The following DAZAP1 variants were observed in gnomAD, a reference collection of about 807,000 sequenced individuals.
The protein encoded by DAZAP1 is DAZ-associated protein 1.
In DAZAP1, 6 loss-of-function variants were observed where a neutral mutation model predicts 60.1. The ratio of observed to expected loss-of-function variants is 0.10; its 90% CI spans 0.05 to 0.20. DAZAP1 has a LOEUF of 0.20. Among genes scored for constraint, DAZAP1 ranks in the 10% least tolerant of loss-of-function variants. The pLI is 1.00. For synonymous variants in DAZAP1, 235 were observed against 215.9 expected, an observed-to-expected ratio of 1.09 and a Z score of -0.78; for missense variants, 366 against 560.4, an observed-to-expected ratio of 0.65 and a Z score of 3.50.
intron 1 of DAZAP1, among the ~76,000 whole-genome samples, chr19:1,411,920 C>T (rs151228337): frequency 1.2e-4 from 18 of 152,370 alleles, no homozygotes; most frequent in Non-Finnish European, 1.9e-4. Flanking sequence ...GCCTGGTCCC[C>T]GTGACACCAT....
chr19:1,408,932 C>T (rs1052425833), intron 1 of DAZAP1, among the ~76,000 whole-genome samples: 1 of 152,126 alleles, frequency 6.6e-6, no homozygotes, highest in Non-Finnish European at 1.5e-5. Flanking sequence ...TAGCTTTGAG[C>T]AGCGCCCTGT....
Position 1,418,234 on chromosome 19 carries a change from G to T in DAZAP1, c.101G>T (p.Gly34Val). The change falls in exon 3 of 12, where the codon GGA becomes GTA. Residue 34 changes from glycine (G) to valine (V), a missense_variant. By Grantham distance (109) the Gly-to-Val change is moderately radical. This residue lies in a region of DAZAP1 where 98 missense variants were observed against 155.3 expected (regional missense o/e 0.63). Coordinates refer to ENST00000233078, the MANE Select transcript of DAZAP1 (RefSeq NM_018959.4). This position sits in a 1 kb window ranked among gnomAD's most constrained non-coding sequence, Gnocchi z 5.7. ...CTGCGCAGCTACTTTTCCCAATATG[G>T]AGAAGTCGTAGATTGTGTTATCATG... is the stretch of plus-strand genomic sequence containing the variant. ...ETLRSYFSQY[G>V]EVVDCVIMKD... The T allele has an allele frequency of 6.2e-7, 1 of 1,614,170 alleles. No individual in the cohort carries two copies. Among genetic ancestry groups the T allele is most frequent in the South Asian group, 1.1e-5 (1 of 91,076 alleles).
At position 1,431,863 on chromosome 19, in the gene DAZAP1, C is replaced by T. The variant is rs566393702; in HGVS notation, c.872-651C>T. 1.8e-4 allele frequency among the ~76,000 whole-genome samples: 27 copies of T among 152,224 alleles called. 1 individual carries two copies. In the South Asian group the frequency reaches 5.6e-3, roughly 32 times the overall value. ...TGATTTCACCTGCGGGCCCTGGGCCCTGGGGGTGTTTGACAATTGGGGCAT... is the reference window on the plus strand; with the variant it reads ...TGATTTCACCTGCGGGCCCTGGGCCTTGGGGGTGTTTGACAATTGGGGCAT... On this transcript the variant is annotated intron_variant, in intron 10 of 11. Coordinates refer to ENST00000233078, the MANE Select transcript of DAZAP1 (RefSeq NM_018959.4).
In DAZAP1 at chr19:1,409,509, TGGA is replaced by T. The variant is rs1164039230; in HGVS notation, c.29+1712_29+1714del. Among the ~76,000 whole-genome samples the T allele has an allele frequency of 6.6e-5, 10 of 152,316 alleles. No individual in the cohort carries two copies. In the South Asian group the frequency reaches 2.1e-3, roughly 32 times the overall value. The stretch of plus-strand genomic sequence containing the variant: ...GGCCACCCGGACGCCACGGGCTGCG[TGGA>T]GGAGAACTGGAGTGCATGGACCCTG... On this transcript the variant is annotated intron_variant, in intron 1 of 11. Coordinates refer to ENST00000233078, the MANE Select transcript of DAZAP1 (RefSeq NM_018959.4).
chr19:1,426,319 G>C lies in DAZAP1; in HGVS notation c.546+359G>C, dbSNP rs1241126688. 3.3e-6 allele frequency: 1 copy of C among 302,760 alleles called. No homozygotes were observed. The highest frequency in any genetic ancestry group is 6.4e-6 in the Non-Finnish European group (1 of 155,426). 18.8% of individuals were successfully genotyped at this position (302,760 alleles called of 1,614,324 possible). On this transcript the variant is annotated intron_variant, in intron 7 of 11. Transcript: ENST00000233078. The surrounding 1 kb of genome is among the most constrained non-coding windows in gnomAD (Gnocchi z 5.4). Reference sequence around the variant, plus strand: ...TCCACGACCACTCCTTCAGATGTCTGCAAATCCCCATTGTCTGACACTGAC... The same window carrying C: ...TCCACGACCACTCCTTCAGATGTCTCCAAATCCCCATTGTCTGACACTGAC...
In DAZAP1 at chr19:1,434,450, C is replaced by A. The variant is rs1042091372; in HGVS notation, c.1049-287C>A. On this transcript the variant is annotated intron_variant, in intron 11 of 11. Transcript: ENST00000233078. The surrounding 1 kb of genome is among the most constrained non-coding windows in gnomAD (Gnocchi z 8.0). Reference sequence around the variant, plus strand: ...TCTCTACCTCCCCTCACCCCCCCAACCACGTCTTCGGGATTGAACAGGGAA... The same window carrying A: ...TCTCTACCTCCCCTCACCCCCCCAAACACGTCTTCGGGATTGAACAGGGAA... The A allele has an allele frequency of 5.3e-6, 2 of 373,886 alleles. No homozygotes were observed. The highest frequency in any genetic ancestry group is 9.8e-6 in the Non-Finnish European group (2 of 204,594). 23.2% of individuals were successfully genotyped at this position (373,886 alleles called of 1,614,324 possible).
chr19:1,435,090 C>A lies in DAZAP1; in HGVS notation c.*178C>A. ...TCTGGACTGAGGTTTTTAAATATTT[C>A]TTTCTCTAACCCATCAGCACAATAA... On this transcript the variant is annotated 3_prime_UTR_variant, in exon 12 of 12. Coordinates refer to ENST00000233078, the MANE Select transcript of DAZAP1 (RefSeq NM_018959.4). The A allele has an allele frequency of 2.3e-6, 1 of 442,158 alleles. No individual in the cohort carries two copies. Among genetic ancestry groups the A allele is most frequent in the Non-Finnish European group, 3.8e-6 (1 of 263,406 alleles). 27.4% of individuals were successfully genotyped at this position (442,158 alleles called of 1,614,324 possible).
rs2083170631 is a variant in DAZAP1 at position 1,422,002 on chromosome 19, G to A, written c.415-346G>A. Among the ~76,000 whole-genome samples, 3 of 152,204 alleles carry A rather than the reference G, an allele frequency of 2.0e-5. No homozygotes were observed. The highest frequency in any genetic ancestry group is 4.4e-5 in the Non-Finnish European group (3 of 68,026). On this transcript the variant is annotated intron_variant, in intron 5 of 11. Transcript: ENST00000233078. This position sits in a 1 kb window ranked among gnomAD's most constrained non-coding sequence, Gnocchi z 4.5. ...GTTTGGGTGGGAAGGGCTTCTGTGG[G>A]GTCTCCTGGCTCCCACGTCCCCTGC...
chr19:1,430,270 C>CCCCCGTAACCACCAAAAA lies in DAZAP1; in HGVS notation c.779_780insCCCCGTAACCACCAAAAA (p.Pro261_Phe262insValThrThrLysLysPro). On this transcript the variant is annotated inframe_insertion, in exon 10 of 12. Transcript: ENST00000233078. ...GGAAGAGGAGCCCCCCCGCCACCCC[C>CCCCCGTAACCACCAAAAA]ACCGTTCACCTCCTACATCGTGTCC... 7.3e-7 allele frequency: 1 copy of CCCCCGTAACCACCAAAAA among 1,368,652 alleles called. No homozygotes were observed. Among genetic ancestry groups the CCCCCGTAACCACCAAAAA allele is most frequent in the Non-Finnish European group, 1.0e-6 (1 of 979,206 alleles). 84.8% of individuals were successfully genotyped at this position (1,368,652 alleles called of 1,614,324 possible). A position where few individuals can be genotyped will look rare whatever the true frequency, so the allele number is the denominator to read the frequency against.
In DAZAP1 at chr19:1,425,648, A is replaced by G. The variant is rs2083289124; in HGVS notation, c.464-230A>G. Among the ~76,000 whole-genome samples the G allele has an allele frequency of 6.6e-6, 1 of 152,198 alleles. No individual in the cohort carries two copies. Among genetic ancestry groups the G allele is most frequent in the Non-Finnish European group, 1.5e-5 (1 of 68,034 alleles). On this transcript the variant is annotated intron_variant, in intron 6 of 11. Coordinates refer to ENST00000233078, the MANE Select transcript of DAZAP1 (RefSeq NM_018959.4). This position sits in a 1 kb window ranked among gnomAD's most constrained non-coding sequence, Gnocchi z 5.4. ...GGGGCGGAGGCTTGACTCAGGCCTC[A>G]GTCAGCAGAGCCGTCACCGGGAGTG...
intron 8 of DAZAP1, among the ~76,000 whole-genome samples, chr19:1,429,500 T>C (rs1223458511): frequency 6.6e-6 from 1 of 152,206 alleles, no homozygotes; most frequent in African/African-American, 2.4e-5. Context: ...TGGGCTTGGC[T>C]GCAGCCCGAC....
intron 1 of DAZAP1, among the ~76,000 whole-genome samples, chr19:1,408,058 G>A (rs2082715549): frequency 6.6e-6 from 1 of 151,652 alleles, no homozygotes; most frequent in South Asian, 2.1e-4. Flanking sequence ...AGCCTGAGGG[G>A]TCCGGGGGGC....
Position 1,407,616 on chromosome 19 carries a change from G to GGCCGCCGCCGCCGCCGCCGCC in DAZAP1, c.-156_-155insCGCCGCCGCCGCCGCCGCCGC, listed in dbSNP as rs2082700523. ...GTGACCGTTGGCGCCGAGGGGAGGA[G>GGCCGCCGCCGCCGCCGCCGCC]GCAGCCGCCGCCGCCGCCGCCGCCG... is the stretch of plus-strand genomic sequence containing the variant. On this transcript the variant is annotated 5_prime_UTR_variant, in exon 1 of 12. Coordinates refer to ENST00000233078, the MANE Select transcript of DAZAP1 (RefSeq NM_018959.4). The GGCCGCCGCCGCCGCCGCCGCC allele has an allele frequency of 1.5e-5, 3 of 206,498 alleles. No homozygotes were observed. The highest frequency in any genetic ancestry group is 3.6e-5 in the African/African-American group (1 of 27,874). 12.8% of individuals were successfully genotyped at this position (206,498 alleles called of 1,614,324 possible).
chr19:1,430,763 C>G (rs1295881632), intron 10 of DAZAP1, among the ~76,000 whole-genome samples: 1 of 151,838 alleles, frequency 6.6e-6, no homozygotes, highest in Admixed American at 6.5e-5. Context: ...CTCTGTAGCC[C>G]AGGCTGGAGT....
chr19:1,429,268 C>T (rs1186621761), intron 8 of DAZAP1, among the ~76,000 whole-genome samples: 1 of 152,268 alleles, frequency 6.6e-6, no homozygotes, highest in Non-Finnish European at 1.5e-5. Context: ...TGAGCGTCTG[C>T]ACCTCGCGAC....
rs1555783414 is a variant in DAZAP1, at chr19:1,423,133, GC to G, written c.463+742del. On this transcript the variant is annotated intron_variant, in intron 6 of 11. Coordinates refer to ENST00000233078, the MANE Select transcript of DAZAP1 (RefSeq NM_018959.4). This position sits in a 1 kb window ranked among gnomAD's most constrained non-coding sequence, Gnocchi z 6.8. ...TGGGTCTGCCCGCCACGTCCGTGCC[GC>G]CCCCGCACCACCGGCCCAGGTCAGT... Among the ~76,000 whole-genome samples, 1 of 151,854 alleles carries G rather than the reference GC, an allele frequency of 6.6e-6. No homozygotes were observed. Among genetic ancestry groups the G allele is most frequent in the Non-Finnish European group, 1.5e-5 (1 of 68,010 alleles).
At position 1,422,293 on chromosome 19, in the gene DAZAP1, G is replaced by T. The variant is rs373867638; in HGVS notation, c.415-55G>T. The stretch of plus-strand genomic sequence containing the variant: ...GTGGGAACAGGCTGTGCCCTCGGAA[G>T]ACCACCTGTGGTGCTGGCCCTGGTG... On this transcript the variant is annotated intron_variant, in intron 5 of 11. Coordinates refer to ENST00000233078, the MANE Select transcript of DAZAP1 (RefSeq NM_018959.4). The surrounding 1 kb of genome is among the most constrained non-coding windows in gnomAD (Gnocchi z 4.5). 169 of 1,550,338 alleles carry T rather than the reference G, an allele frequency of 1.1e-4. 1 individual carries two copies. The East Asian group carries it at 1.9e-3, about 17-fold the overall frequency.
chr19:1,432,933 T>A lies in DAZAP1; in HGVS notation c.1048+243T>A. On this transcript the variant is annotated intron_variant, in intron 11 of 11. Transcript: ENST00000233078. The surrounding 1 kb of genome is among the most constrained non-coding windows in gnomAD (Gnocchi z 4.9). ...GTCATACAGCAGGTGCTGCAGGGCC[T>A]GCATGTGTGGGAACCTGAGTGGCGA... The A allele has an allele frequency of 7.7e-6, 4 of 517,996 alleles. No individual in the cohort carries two copies. The highest frequency in any genetic ancestry group is 1.4e-5 in the Non-Finnish European group (4 of 293,166). 32.1% of individuals were successfully genotyped at this position (517,996 alleles called of 1,614,324 possible). A position where few individuals can be genotyped will look rare whatever the true frequency, so the allele number is the denominator to read the frequency against.
intron 6 of DAZAP1, among the ~76,000 whole-genome samples, chr19:1,424,450 C>G (rs2083255402): frequency 6.7e-6 from 1 of 150,358 alleles, no homozygotes; most frequent in African/African-American, 2.4e-5. Context: ...GGCTCCTGAA[C>G]CACAGTGACC....
Sources: allele counts gnomAD v4.1 joint callset (sites outside exome capture counted in the v4.1 genomes callset), GRCh38; gene constraint gnomAD v4.1.1; regional missense constraint gnomAD v4.1.1; non-coding constraint Gnocchi (gnomAD v3.1); transcripts MANE v1.5; gene names NCBI Gene and HGNC (gene_info 2026-07-23, HGNC 2026-07-21).